Variants in NEBL observed in about 807,000 individuals in gnomAD.
NEBL encodes nebulette.
NEBL carries 122 observed loss-of-function variants against 140.2 expected under a neutral mutation model. The observed-to-expected ratio is 0.87, with a 90% confidence interval of 0.75 to 1.01. NEBL has a LOEUF of 1.01. NEBL is among the 50% of genes least tolerant of loss of function. The probability of loss-of-function intolerance (pLI) is 0.00; values close to 1 mark genes in which losing one functional copy is unlikely to be tolerated. For synonymous variants in NEBL, 436 were observed against 398.9 expected (o/e 1.09, Z -1.11); for missense variants, 1,365 against 1,231.3 (o/e 1.11, Z -1.62).
chr10:20,823,885 A>G (rs1459053390), intron 18 of NEBL, among the ~76,000 whole-genome samples: 2 of 152,184 alleles, frequency 1.3e-5, no homozygotes, highest in African/African-American at 4.8e-5. Context: ...TGGGTCCTGC[A>G]TCAGTATAAG....
intron 2 of NEBL, among the ~76,000 whole-genome samples, chr10:21,024,460 G>T (rs1002711622): frequency 5.3e-5 from 8 of 149,986 alleles, no homozygotes; most frequent in South Asian, 4.2e-4. Flanking sequence ...AGGATTGGGG[G>T]ATTCACATTA....
At chr10:20,825,085 G>T (rs1839706397) in intron 18 of NEBL, among the ~76,000 whole-genome samples, 1 of 152,108 alleles carries the variant, frequency 6.6e-6, no homozygotes, top group South Asian at 2.1e-4. Context: ...TGCTACAGAG[G>T]TTTTATTGCA....
intron 2 of NEBL, among the ~76,000 whole-genome samples, chr10:21,109,543 T>C (rs1436485514): frequency 6.6e-6 from 1 of 152,200 alleles, no homozygotes; most frequent in East Asian, 1.9e-4. Context: ...TCCCTCTTTT[T>C]CTATTGATTG....
At chr10:21,213,698 A>C (rs971704300) in intron 3 of NEBL, among the ~76,000 whole-genome samples, 1 of 152,192 alleles carries the variant, frequency 6.6e-6, no homozygotes, top group African/African-American at 2.4e-5. Context: ...AAATAGAGAA[A>C]AACCTTAGAA....
chr10:21,123,222 T>C (rs1264506518), intron 2 of NEBL, among the ~76,000 whole-genome samples: 1 of 152,208 alleles, frequency 6.6e-6, no homozygotes, highest in Non-Finnish European at 1.5e-5. Context: ...CTCACTGTTC[T>C]AGATCTTACT....
intron 4 of NEBL, among the ~76,000 whole-genome samples, chr10:20,955,536 T>A (rs1835757699): frequency 6.6e-6 from 1 of 151,482 alleles, no homozygotes; most frequent in Non-Finnish European, 1.5e-5. Context: ...AGAACAGAGG[T>A]GAAAAGTAGT....
At chr10:20,861,488 T>C (rs1056315898) in intron 7 of NEBL, among the ~76,000 whole-genome samples, 1 of 152,130 alleles carries the variant, frequency 6.6e-6, no homozygotes, top group East Asian at 1.9e-4. Context: ...CACAGTCTTA[T>C]TGCCCTCTTC....
chr10:21,193,690 T>C (rs1589323801), intron 3 of NEBL, among the ~76,000 whole-genome samples: 1 of 152,180 alleles, frequency 6.6e-6, no homozygotes, highest in South Asian at 2.1e-4. Flanking sequence ...CTGATATTGA[T>C]TGAGGGCTTA....
chr10:21,083,150 C>T (rs542741880), intron 2 of NEBL, among the ~76,000 whole-genome samples: 4 of 152,280 alleles, frequency 2.6e-5, no homozygotes, highest in African/African-American at 9.6e-5. Flanking sequence ...GCCATCAGAG[C>T]CCCTTTGGTA....
At chr10:21,181,365 A>G (rs1273972801) in intron 3 of NEBL, among the ~76,000 whole-genome samples, 1 of 152,156 alleles carries the variant, frequency 6.6e-6, no homozygotes, top group East Asian at 1.9e-4. Context: ...AGATGAAAAA[A>G]AAAAACCAAA....
At chr10:21,257,477 C>T (rs1318658135) in intron 1 of NEBL, among the ~76,000 whole-genome samples, 1 of 152,164 alleles carries the variant, frequency 6.6e-6, no homozygotes, top group East Asian at 1.9e-4. Flanking sequence ...GTGCCTGGCA[C>T]ATAATAGCTA....
intron 2 of NEBL, among the ~76,000 whole-genome samples, chr10:21,059,033 A>T (rs572506495): frequency 4.6e-5 from 7 of 152,242 alleles, no homozygotes; most frequent in African/African-American, 1.7e-4. Flanking sequence ...AACATGAAAG[A>T]TTATAATCCA....
At chr10:20,822,067 A>G (rs1216976156) in intron 19 of NEBL, among the ~76,000 whole-genome samples, 2 of 152,204 alleles carry the variant, frequency 1.3e-5, no homozygotes, top group Non-Finnish European at 2.9e-5. Flanking sequence ...ATTACTTATG[A>G]TTAAATGAGA....
intron 2 of NEBL, among the ~76,000 whole-genome samples, chr10:21,165,118 T>A (rs1840707757): frequency 1.3e-5 from 2 of 152,204 alleles, no homozygotes. Flanking sequence ...GAAGTGTTAT[T>A]TGATGGGCTC....
At chr10:21,064,493 G>GA (rs1351637603) in intron 2 of NEBL, among the ~76,000 whole-genome samples, 1 of 152,032 alleles carries the variant, frequency 6.6e-6, no homozygotes, top group East Asian at 1.9e-4. Context: ...TCAACCTTCA[G>GA]AAAAAATGAG....
At chr10:21,210,324 A>G (rs1454699154) in intron 3 of NEBL, among the ~76,000 whole-genome samples, 2 of 152,094 alleles carry the variant, frequency 1.3e-5, no homozygotes, top group Non-Finnish European at 2.9e-5. Context: ...AACCTGAGAG[A>G]CGGAAGTTGC....
chr10:21,262,365 G>A (rs951963739), intron 1 of NEBL, among the ~76,000 whole-genome samples: 1 of 152,216 alleles, frequency 6.6e-6, no homozygotes, highest in Non-Finnish European at 1.5e-5. Context: ...ACAGGATTTA[G>A]AAGGGAAGGT....
chr10:21,172,109 CA>C (rs1841099336), intron 2 of NEBL: 1 of 454,758 alleles, frequency 2.2e-6, no homozygotes, highest in Non-Finnish European at 4.0e-6. Context: ...GGAAGTTCAG[CA>C]GCTTCTAATA....
At position 21,255,764 on chromosome 10, in the gene NEBL, A is replaced by G. The variant is rs554415418; in HGVS notation, n.183-3936T>C. ...GGTAATCCCAACACTTTGGGAGGCC[A>G]AGGTGGGCAGATCACGAGGTCAGGA... On this transcript the variant is annotated intron_variant and non_coding_transcript_variant, in intron 1 of 8. Coordinates refer to the NEBL transcript ENST00000675702. 2.2e-3 allele frequency among the ~76,000 whole-genome samples: 335 copies of G among 152,168 alleles called. 4 individuals are homozygous for G. In the East Asian group the frequency reaches 0.034, roughly 15 times the overall value.
Sources: allele counts gnomAD v4.1 joint callset (sites outside exome capture counted in the v4.1 genomes callset), GRCh38; gene constraint gnomAD v4.1.1; transcripts MANE v1.5; gene names NCBI Gene and HGNC (gene_info 2026-07-23, HGNC 2026-07-21).